Variants in CTNNA3 observed in about 807,000 individuals in gnomAD.
CTNNA3 encodes the protein catenin alpha-3.
Under a neutral mutation model 95.7 loss-of-function variants are expected in CTNNA3, and 76 were observed. That is an observed-to-expected ratio of 0.79 (90% CI 0.66 to 0.96). The LOEUF (loss-of-function observed/expected upper bound fraction) is 0.96, where lower values mean the gene tolerates loss of function less well. Among genes scored for constraint, CTNNA3 ranks in the 40% least tolerant of loss-of-function variants. The pLI is 0.00. For missense variants in CTNNA3, 1,191 were observed against 1,089.8 expected, an observed-to-expected ratio of 1.09 and a Z score of -1.31; for synonymous variants, 431 against 374.4, an observed-to-expected ratio of 1.15 and a Z score of -1.74.
At chr10:67,225,287 C>T (rs1282154621) in intron 5 of CTNNA3, among the ~76,000 whole-genome samples, 2 of 152,172 alleles carry the variant, frequency 1.3e-5, no homozygotes, top group Non-Finnish European at 2.9e-5. Flanking sequence ...CTTCCCTATC[C>T]ACCCTGGTAG....
chr10:66,136,193 C>T (rs1325242287), intron 13 of CTNNA3, among the ~76,000 whole-genome samples: 4 of 152,122 alleles, frequency 2.6e-5, no homozygotes, highest in African/African-American at 9.7e-5. Flanking sequence ...TGAGCCACCG[C>T]GCCAGGCCAC....
chr10:67,684,857 A>G (rs1441706388), intron 1 of CTNNA3, among the ~76,000 whole-genome samples: 1 of 152,218 alleles, frequency 6.6e-6, no homozygotes, highest in Non-Finnish European at 1.5e-5. Flanking sequence ...GGGAGAAGCC[A>G]TGTTGCCCAA....
At chr10:66,777,495 A>G (rs1840349893) in intron 7 of CTNNA3, among the ~76,000 whole-genome samples, 2 of 152,278 alleles carry the variant, frequency 1.3e-5, no homozygotes, top group South Asian at 2.1e-4. Flanking sequence ...AATTACACAG[A>G]TGAAAGTTGT....
chr10:66,632,820 T>G (rs1845193050), intron 9 of CTNNA3, among the ~76,000 whole-genome samples: 1 of 151,938 alleles, frequency 6.6e-6, no homozygotes, highest in Non-Finnish European at 1.5e-5. Context: ...ATAATAAAAA[T>G]TATTATCCAC....
intron 15 of CTNNA3, among the ~76,000 whole-genome samples, chr10:66,015,745 A>T (rs1194381113): frequency 6.6e-6 from 1 of 152,216 alleles, no homozygotes; most frequent in African/African-American, 2.4e-5. Flanking sequence ...ATATTAGGAT[A>T]AAGTCCCTTT....
chr10:67,002,783 G>A (rs1037061156), intron 7 of CTNNA3, among the ~76,000 whole-genome samples: 2 of 151,666 alleles, frequency 1.3e-5, no homozygotes, highest in South Asian at 4.2e-4. Context: ...TAATTGCTGG[G>A]TTAAATAAAC....
intron 11 of CTNNA3, among the ~76,000 whole-genome samples, chr10:66,451,450 G>GAA (rs1257720336): frequency 6.6e-6 from 1 of 151,952 alleles, no homozygotes; most frequent in East Asian, 1.9e-4. Context: ...TAGAAGGCAA[G>GAA]AAAACAAGTT....
chr10:67,305,560 T>C (rs1347068021), intron 5 of CTNNA3, among the ~76,000 whole-genome samples: 1 of 151,988 alleles, frequency 6.6e-6, no homozygotes, highest in Non-Finnish European at 1.5e-5. Context: ...TGAAGAGTAA[T>C]ATTTTCCTTT....
intron 10 of CTNNA3, among the ~76,000 whole-genome samples, chr10:66,589,994 GA>G (rs1468530072): frequency 2.6e-5 from 4 of 152,000 alleles, no homozygotes; most frequent in African/African-American, 7.2e-5. Context: ...AAGAAATATT[GA>G]AAGGAGTAAG....
Position 67,564,146 on chromosome 10 carries a change from T to C in CTNNA3, c.293-24477A>G, listed in dbSNP as rs1841655345. Among the ~76,000 whole-genome samples, 2 of 149,820 alleles carry C rather than the reference T, an allele frequency of 1.3e-5. 1 individual carries two copies. Among genetic ancestry groups the C allele is most frequent in the Admixed American group, 1.3e-4 (2 of 15,004 alleles). ...GACCCAGTGATCCCATTACTGGGTA[T>C]ATACCCAAAGGATCATAAATCATGC... is the stretch of plus-strand genomic sequence containing the variant. On this transcript the variant is annotated intron_variant, in intron 3 of 17. Transcript: ENST00000433211.
chr10:67,345,536 T>C (rs1473426634), intron 5 of CTNNA3, among the ~76,000 whole-genome samples: 1 of 152,174 alleles, frequency 6.6e-6, no homozygotes, highest in Non-Finnish European at 1.5e-5. Context: ...TTTAAAATTG[T>C]TATATCCTCT....
In CTNNA3 at chr10:67,674,145, T is replaced by C. The variant is rs535701815; in HGVS notation, c.-6+21855A>G. The stretch of plus-strand genomic sequence containing the variant: ...CCTAGTACCTCACTCACGATATGAC[T>C]GTATTTGGAGATAGGTCCGTTAAAG... On this transcript the variant is annotated intron_variant, in intron 1 of 17. Transcript: ENST00000433211. Among the ~76,000 whole-genome samples the C allele has an allele frequency of 5.2e-4, 79 of 152,118 alleles. 1 individual carries two copies. The highest frequency in any genetic ancestry group is 1.7e-3 in the African/African-American group (69 of 41,538).
chr10:66,098,556 T>C (rs985584466), intron 14 of CTNNA3: 3 of 152,226 alleles, frequency 2.0e-5, no homozygotes, highest in Admixed American at 2.0e-4. Flanking sequence ...CTGTATGTCA[T>C]ATAACATTTT....
intron 1 of CTNNA3, among the ~76,000 whole-genome samples, chr10:67,749,812 C>T (rs1434082004): frequency 2.0e-5 from 3 of 152,092 alleles, no homozygotes; most frequent in Non-Finnish European, 4.4e-5. Context: ...TAACTAAGAT[C>T]AGAGTGGAAC....
intron 10 of CTNNA3, among the ~76,000 whole-genome samples, chr10:66,545,466 G>A (rs1842007343): frequency 6.6e-6 from 1 of 151,598 alleles, no homozygotes; most frequent in Non-Finnish European, 1.5e-5. Flanking sequence ...TCAAACATTT[G>A]GATTGCTTCT....
intron 5 of CTNNA3, among the ~76,000 whole-genome samples, chr10:67,245,845 ACT>A (rs1303827263): frequency 7.5e-6 from 1 of 134,012 alleles, no homozygotes; most frequent in African/African-American, 3.1e-5. Flanking sequence ...ACAGTGCGAG[ACT>A]CTGTCTCCAA....
In CTNNA3 at chr10:66,046,350, GA is replaced by G. The variant is rs545810016; in HGVS notation, c.2159+22957del. Reference sequence around the variant, plus strand: ...AAGAGCAGCTGCTCAGCCATATGTGGAGACCCTGGAGCCTTAGATACTTGGG... The same window carrying G: ...AAGAGCAGCTGCTCAGCCATATGTGGGACCCTGGAGCCTTAGATACTTGGG... On this transcript the variant is annotated intron_variant, in intron 15 of 17. Transcript: ENST00000433211. Among the ~76,000 whole-genome samples the G allele has an allele frequency of 1.1e-4, 17 of 152,288 alleles. 1 individual carries two copies. In the East Asian group the frequency reaches 3.1e-3, roughly 28 times the overall value.
intron 6 of CTNNA3, among the ~76,000 whole-genome samples, chr10:67,201,460 T>A (rs1904646): frequency 0.36 from 55,364 of 151,858 alleles, 14,386 homozygotes; most frequent in African/African-American, 0.74. Context: ...TTCTTTTTTT[T>A]TTATTATTTT....
At chr10:66,847,721 A>G (rs181530894) in intron 7 of CTNNA3, among the ~76,000 whole-genome samples, 1 of 152,308 alleles carries the variant, frequency 6.6e-6, no homozygotes, top group Non-Finnish European at 1.5e-5. Flanking sequence ...TGTAGGAGAT[A>G]TAAAAAGTGC....
Sources: allele counts gnomAD v4.1 joint callset (sites outside exome capture counted in the v4.1 genomes callset), GRCh38; gene constraint gnomAD v4.1.1; transcripts MANE v1.5; gene names NCBI Gene and HGNC (gene_info 2026-07-23, HGNC 2026-07-21).